Variants in TXLNA observed in about 807,000 individuals in gnomAD.
TXLNA encodes the protein alpha-taxilin.
Under a neutral mutation model 61.4 loss-of-function variants are expected in TXLNA, and 9 were observed. The observed-to-expected ratio is 0.15, with a 90% CI of 0.09 to 0.26. The LOEUF is 0.26. Among genes scored for constraint, TXLNA ranks in the 10% least tolerant of loss-of-function variants. The probability of loss-of-function intolerance (pLI) is 1.00; values close to 1 mark genes in which losing one functional copy is unlikely to be tolerated. For missense variants in TXLNA, 565 were observed against 688.8 expected (o/e 0.82, Z 2.01); for synonymous variants, 257 against 267.7 (o/e 0.96, Z 0.39).
At position 32,181,301 on chromosome 1, in the gene TXLNA, C is replaced by A. The variant is rs1557497317; in HGVS notation, c.229C>A (p.Arg77Ser). 3 of 1,612,960 alleles carry A rather than the reference C, an allele frequency of 1.9e-6. No individual in the cohort carries two copies. Among genetic ancestry groups the A allele is most frequent in the Non-Finnish European group, 1.7e-6 (2 of 1,179,216 alleles). ...TCGTGATGTCTCTGAGGAGCTGAGC[C>A]GCCAACTGGAAGACATACTGAGCAC... is the stretch of plus-strand genomic sequence containing the variant. ...ALRDVSEELS[R>S]QLEDILSTYC... The change falls in exon 3 of 11, where the codon CGC (arginine) becomes AGC (serine). Residue 77 changes from arginine (R) to serine (S), a missense_variant. Around this residue, in one of 2 missense-constraint regions of TXLNA, gnomAD observed 192 missense variants for 184.8 expected, o/e 1.04. Coordinates refer to ENST00000373610, the MANE Select transcript of TXLNA (RefSeq NM_175852.4).
In TXLNA at chr1:32,197,921, C is replaced by T. The variant is rs1178518767; in HGVS notation, c.*2726C>T. ...ATTTCTGTAAAGATGGTTATTTAAC[C>T]CTCCTCCACCCCATCACGGTGGCCC... On this transcript the variant is annotated 3_prime_UTR_variant, in exon 11 of 11. Transcript: ENST00000373610. This position sits in a 1 kb window ranked among gnomAD's most constrained non-coding sequence, Gnocchi z 4.6. The T allele has an allele frequency of 6.6e-6, 1 of 152,222 alleles. No individual in the cohort carries two copies. Among genetic ancestry groups the T allele is most frequent in the African/African-American group, 2.4e-5 (1 of 41,422 alleles). The allele number at this position is 152,222 out of a possible 1,614,324, so 9.4% of individuals were successfully genotyped here. A position where few individuals can be genotyped will look rare whatever the true frequency, so the allele number is the denominator to read the frequency against.
rs866589534 is a variant in TXLNA at position 32,181,712 on chromosome 1, C to G, written c.505+135C>G. 9 of 877,962 alleles carry G rather than the reference C, an allele frequency of 1.0e-5. 1 individual carries two copies. In the Middle Eastern group the frequency reaches 2.5e-3, roughly 248 times the overall value. The allele number at this position is 877,962 out of a possible 1,614,324, so 54.4% of individuals were successfully genotyped here. On this transcript the variant is annotated intron_variant, in intron 3 of 10. Coordinates refer to ENST00000373610, the MANE Select transcript of TXLNA (RefSeq NM_175852.4). Reference sequence around the variant, plus strand: ...GAGCAGCAAGTCACTCTAGTCTAATCAAAGCCAGGGATGTGGGGGCCACGG... The same window carrying G: ...GAGCAGCAAGTCACTCTAGTCTAATGAAAGCCAGGGATGTGGGGGCCACGG...
rs772051326 is a variant in TXLNA at position 32,181,466 on chromosome 1, G to A, written c.394G>A (p.Glu132Lys). 1.9e-6 allele frequency: 3 copies of A among 1,613,658 alleles called. No homozygotes were observed. The highest frequency in any genetic ancestry group is 2.5e-6 in the Non-Finnish European group (3 of 1,179,854). ...TGAACCAACTCCAGTAGTCAATGGAGAGAAGGAACCCTCCAAGGGGGATCC... is the reference window on the plus strand; with the variant it reads ...TGAACCAACTCCAGTAGTCAATGGAAAGAAGGAACCCTCCAAGGGGGATCC... Reference protein sequence around the residue: ...EPEPTPVVNGEKEPSKGDPNT... With the variant: ...EPEPTPVVNGKKEPSKGDPNT... The change falls in exon 3 of 11, where the codon GAG becomes AAG. Residue 132 changes from glutamate (E) to lysine (K), a missense_variant. This residue lies in a region of TXLNA where 192 missense variants were observed against 184.8 expected (regional missense o/e 1.04). Transcript: ENST00000373610.
Position 32,188,092 on chromosome 1 carries a change from C to T in TXLNA, c.736C>T (p.Arg246Cys), listed in dbSNP as rs1006584186. 20 of 1,578,778 alleles carry T rather than the reference C, an allele frequency of 1.3e-5. No individual in the cohort carries two copies. Among genetic ancestry groups the T allele is most frequent in the Non-Finnish European group, 1.7e-5 (20 of 1,161,482 alleles). The change falls in exon 5 of 11, where the codon CGT becomes TGT. Residue 246 changes from arginine to cysteine, a missense_variant. Physicochemically the swap from Arg to Cys is radical, Grantham distance 180 (BLOSUM62 -3). Around this residue, in one of 2 missense-constraint regions of TXLNA, gnomAD observed 373 missense variants for 504.0 expected, o/e 0.74. Transcript: ENST00000373610. Reference protein sequence around the residue: ...LARSKLESLCRELQRHNRSLK... With the variant: ...LARSKLESLCCELQRHNRSLK... ...CCGCAGCAAGCTTGAGAGCCTATGC[C>T]GTGAGCTGCAGCGGCACAACCGCTC...
Position 32,190,349 on chromosome 1 carries a change from C to G in TXLNA, c.963+100C>G. On this transcript the variant is annotated intron_variant, in intron 6 of 10. Coordinates refer to ENST00000373610, the MANE Select transcript of TXLNA (RefSeq NM_175852.4). ...ACCTTTTCAGGCTTCATCCCATTCT[C>G]CCTTTCTTCCTCCTCCTCCTCCTTG... is the stretch of plus-strand genomic sequence containing the variant. 8 of 1,143,954 alleles carry G rather than the reference C, an allele frequency of 7.0e-6. 1 individual carries two copies. In the South Asian group the frequency reaches 1.2e-4, roughly 17 times the overall value. The allele number at this position is 1,143,954 out of a possible 1,614,324, so 70.9% of individuals were successfully genotyped here.
Position 32,192,858 on chromosome 1 carries a change from C to G in TXLNA, c.1158+127C>G. On this transcript the variant is annotated intron_variant, in intron 8 of 10. Transcript: ENST00000373610. The surrounding 1 kb of genome is among the most constrained non-coding windows in gnomAD (Gnocchi z 4.2). Reference sequence around the variant, plus strand: ...TGGCTGCTATGACGCCTTGGTTGAGCCTTTGTTCTCTCCGGACCTGCACAG... The same window carrying G: ...TGGCTGCTATGACGCCTTGGTTGAGGCTTTGTTCTCTCCGGACCTGCACAG... The G allele has an allele frequency of 1.0e-6, 1 of 953,086 alleles. No individual in the cohort carries two copies. The highest frequency in any genetic ancestry group is 1.6e-6 in the Non-Finnish European group (1 of 620,854). 59.0% of individuals were successfully genotyped at this position (953,086 alleles called of 1,614,324 possible).
chr1:32,193,746 G>A (rs536983583), intron 9 of TXLNA, among the ~76,000 whole-genome samples: 7 of 151,192 alleles, frequency 4.6e-5, no homozygotes, highest in South Asian at 2.1e-4. Flanking sequence ...TAGTAGAGAC[G>A]GGGTTTCACC....
chr1:32,192,798 GA>G lies in TXLNA; in HGVS notation c.1158+70del, dbSNP rs1372877150. On this transcript the variant is annotated intron_variant, in intron 8 of 10. Transcript: ENST00000373610. The surrounding 1 kb of genome is among the most constrained non-coding windows in gnomAD (Gnocchi z 4.2). The stretch of plus-strand genomic sequence containing the variant: ...CACTGGGCCCCATCCTGGGGGTAGT[GA>G]AATGGGACCCTCATTCTAGGACTGG... The G allele has an allele frequency of 3.3e-6, 5 of 1,523,032 alleles. No individual in the cohort carries two copies. Among genetic ancestry groups the G allele is most frequent in the Non-Finnish European group, 4.6e-6 (5 of 1,098,814 alleles). The allele number at this position is 1,523,032 out of a possible 1,614,324, so 94.3% of individuals were successfully genotyped here.
Position 32,196,935 on chromosome 1 carries a change from C to A in TXLNA, c.*1740C>A, listed in dbSNP as rs1643038575. 1 of 152,256 alleles carries A rather than the reference C, an allele frequency of 6.6e-6. No individual in the cohort carries two copies. The highest frequency in any genetic ancestry group is 1.5e-5 in the Non-Finnish European group (1 of 68,042). The allele number at this position is 152,256 out of a possible 1,614,324, so 9.4% of individuals were successfully genotyped here. A position where few individuals can be genotyped will look rare whatever the true frequency, so the allele number is the denominator to read the frequency against. ...TACCACTGATCTGCATCAGAGTTGC[C>A]TGCTATTCTCTGGTGTATCCTTCAC... On this transcript the variant is annotated 3_prime_UTR_variant, in exon 11 of 11. Coordinates refer to ENST00000373610, the MANE Select transcript of TXLNA (RefSeq NM_175852.4).
At chr1:32,185,208 GTTCCATC>G (rs1642754868) in intron 4 of TXLNA, among the ~76,000 whole-genome samples, 2 of 152,196 alleles carry the variant, frequency 1.3e-5, no homozygotes, top group South Asian at 4.2e-4. Flanking sequence ...AGTACTTCAT[GTTCCATC>G]ACAATAAATG....
At chr1:32,184,688 G>A (rs749790041) in intron 4 of TXLNA, 72 bp downstream of exon 4, 175 of 1,053,338 alleles carry the variant, frequency 1.7e-4, no homozygotes, top group Non-Finnish European at 2.4e-4. Context: ...TAAGGTTGGG[G>A]GTGCAGAGTC....
rs1295314460 is a variant in TXLNA at position 32,192,214 on chromosome 1, TG to T, written c.964-91del. 3 of 1,535,218 alleles carry T rather than the reference TG, an allele frequency of 2.0e-6. No individual in the cohort carries two copies. The highest frequency in any genetic ancestry group is 1.2e-5 in the South Asian group (1 of 82,498). ...GGGAGTCCATCATATCAGATTGAGATGGGGGGCTGGGCAAAGTGCCCTGGTC... is the reference window on the plus strand; with the variant it reads ...GGGAGTCCATCATATCAGATTGAGATGGGGGCTGGGCAAAGTGCCCTGGTC... On this transcript the variant is annotated intron_variant, in intron 6 of 10. Transcript: ENST00000373610. The surrounding 1 kb of genome is among the most constrained non-coding windows in gnomAD (Gnocchi z 4.2).
intron 5 of TXLNA, 77 bp from the exon 6 acceptor site, chr1:32,189,978 G>T: frequency 6.9e-7 from 1 of 1,449,958 alleles, no homozygotes; most frequent in Non-Finnish European, 9.3e-7. Flanking sequence ...TGTTGGCAGA[G>T]ACCATCTGTG....
intron 3 of TXLNA, among the ~76,000 whole-genome samples, chr1:32,182,311 A>T (rs1254769920): frequency 6.6e-6 from 1 of 152,044 alleles, no homozygotes; most frequent in Admixed American, 6.6e-5. Flanking sequence ...TCCCTGACTC[A>T]GTCACAGGCA....
In TXLNA at chr1:32,195,725, G is replaced by A. The variant is rs973793045; in HGVS notation, c.*530G>A. 4 of 456,398 alleles carry A rather than the reference G, an allele frequency of 8.8e-6. No homozygotes were observed. Among genetic ancestry groups the A allele is most frequent in the Non-Finnish European group, 1.8e-5 (4 of 227,064 alleles). The allele number at this position is 456,398 out of a possible 1,614,324, so 28.3% of individuals were successfully genotyped here. A position where few individuals can be genotyped will look rare whatever the true frequency, so the allele number is the denominator to read the frequency against. Reference sequence around the variant, plus strand: ...AAAAGGTGTCCCTAGGCAGAGCCCTGGCAGGGCGCTCAGAGCTGGGGATTT... The same window carrying A: ...AAAAGGTGTCCCTAGGCAGAGCCCTAGCAGGGCGCTCAGAGCTGGGGATTT... On this transcript the variant is annotated 3_prime_UTR_variant, in exon 11 of 11. Transcript: ENST00000373610.
chr1:32,194,726 C>T (rs1007497872), intron 10 of TXLNA, among the ~76,000 whole-genome samples, 176 bp from the exon 11 acceptor site: 7 of 152,144 alleles, frequency 4.6e-5, no homozygotes, highest in African/African-American at 1.7e-4. Flanking sequence ...CCCTTTTCTG[C>T]ACCATGCTGC....
Position 32,195,880 on chromosome 1 carries a change from T to G in TXLNA, c.*685T>G, listed in dbSNP as rs1259845546. ...AGGCCAATGATGCTTCTCAGTAGCC[T>G]TATCATTCACAGGTGCCTCTCTAGC... On this transcript the variant is annotated 3_prime_UTR_variant, in exon 11 of 11. Coordinates refer to ENST00000373610, the MANE Select transcript of TXLNA (RefSeq NM_175852.4). 2.4e-6 allele frequency: 1 copy of G among 422,674 alleles called. No homozygotes were observed. The highest frequency in any genetic ancestry group is 2.0e-5 in the African/African-American group (1 of 49,016). The allele number at this position is 422,674 out of a possible 1,614,324, so 26.2% of individuals were successfully genotyped here.
chr1:32,184,037 G>A (rs1053394043), intron 3 of TXLNA, among the ~76,000 whole-genome samples: 2 of 152,148 alleles, frequency 1.3e-5, no homozygotes, highest in African/African-American at 2.4e-5. Context: ...TTGCCTGGCC[G>A]AAAGTATCTT....
At chr1:32,181,819 TTTGAG>T (rs1642669243) in intron 3 of TXLNA, among the ~76,000 whole-genome samples, 1 of 152,206 alleles carries the variant, frequency 6.6e-6, no homozygotes, top group African/African-American at 2.4e-5. Context: ...CTGTTCTCTC[TTTGAG>T]AAAATGGAGA....
Sources: gnomAD v4.1 joint callset for allele counts (sites outside exome capture counted in the v4.1 genomes callset) on GRCh38, gnomAD v4.1.1 for gene constraint, gnomAD v4.1.1 regional missense constraint, Gnocchi (gnomAD v3.1) non-coding constraint, MANE v1.5 for transcripts, NCBI Gene and HGNC (gene_info 2026-07-23, HGNC 2026-07-21) for gene names.